Variants in XPO5 observed in about 807,000 individuals in gnomAD.
XPO5 encodes the protein exportin 5.
Under a neutral mutation model 160.6 loss-of-function variants are expected in XPO5, and 46 were observed. The observed-to-expected ratio is 0.29, with a 90% CI of 0.23 to 0.37. XPO5 has a LOEUF of 0.37. Ranked by LOEUF, XPO5 falls within the 10% of genes least tolerant of loss-of-function variation. The probability of loss-of-function intolerance (pLI) is 1.00; values close to 1 mark genes in which losing one functional copy is unlikely to be tolerated. For synonymous variants in XPO5, 537 were observed against 519.3 expected, an observed-to-expected ratio of 1.03 and a Z score of -0.46; for missense variants, 1,090 against 1,463.9, an observed-to-expected ratio of 0.74 and a Z score of 4.17.
At chr6:43,542,308 A>T (rs1480541718) in intron 20 of XPO5, among the ~76,000 whole-genome samples, 1 of 152,188 alleles carries the variant, frequency 6.6e-6, no homozygotes, top group East Asian at 1.9e-4. Flanking sequence ...CACAGCTTCA[A>T]CACCTTCTAT....
intron 20 of XPO5, chr6:43,538,725 AAAAT>A (rs1446546734): frequency 2.8e-5 from 14 of 493,240 alleles, no homozygotes; most frequent in Middle Eastern, 5.1e-4. Flanking sequence ...TTTTGGTATC[AAAAT>A]AAATAAGCCT....
intron 14 of XPO5, among the ~76,000 whole-genome samples, chr6:43,552,713 T>C (rs1795308685): frequency 6.6e-6 from 1 of 152,226 alleles, no homozygotes; most frequent in Non-Finnish European, 1.5e-5. Flanking sequence ...TCTATTTCTC[T>C]ATAATTTAGT....
intron 14 of XPO5, 130 bp from the exon 15 acceptor site, chr6:43,551,583 G>T: frequency 9.1e-7 from 1 of 1,095,590 alleles, no homozygotes; most frequent in Non-Finnish European, 1.3e-6. Flanking sequence ...AGTGCACAGT[G>T]GCACAATCAT....
At chr6:43,533,377 C>CG (rs1554133263) in intron 21 of XPO5, 3 of 152,202 alleles carry the variant, frequency 2.0e-5, no homozygotes, top group Non-Finnish European at 2.9e-5. Context: ...AAGGGGTTAA[C>CG]GGGGAAAAAA....
At chr6:43,533,432 A>G (rs1239121728) in intron 21 of XPO5, 1 of 153,126 alleles carries the variant, frequency 6.5e-6, no homozygotes, top group Non-Finnish European at 1.5e-5. Flanking sequence ...ATAATGAAGT[A>G]AATACACTTG....
Position 43,549,688 on chromosome 6 carries a change from C to G in XPO5, c.1771-110G>C. 6 of 1,349,832 alleles carry G rather than the reference C, an allele frequency of 4.4e-6. No individual in the cohort carries two copies. The Admixed American group carries it at 1.3e-4, about 29-fold the overall frequency. 83.6% of individuals were successfully genotyped at this position (1,349,832 alleles called of 1,614,324 possible). ...GGGGCAAATTCACAATGATTTTTCA[C>G]AACCCTAAGAGTATAATGGAGTAAC... On this transcript the variant is annotated intron_variant, in intron 16 of 31. Transcript: ENST00000265351.
At position 43,535,058 on chromosome 6, in the gene XPO5, T is replaced by C. The variant is rs1219632297; in HGVS notation, c.2343-1051A>G. On this transcript the variant is annotated intron_variant, in intron 20 of 31. Transcript: ENST00000265351. ...CTGTAATCCCAGCACTTTGGGAGGCTGAGGTGGGTGGATCACGAGGTCATG... is the reference window on the plus strand; with the variant it reads ...CTGTAATCCCAGCACTTTGGGAGGCCGAGGTGGGTGGATCACGAGGTCATG... 2.7e-5 allele frequency among the ~76,000 whole-genome samples: 4 copies of C among 147,372 alleles called. No individual in the cohort carries two copies. In the Admixed American group the frequency reaches 2.7e-4, roughly 10 times the overall value.
intron 27 of XPO5, 103 bp downstream of exon 27, chr6:43,526,582 G>T: frequency 1.6e-6 from 2 of 1,276,694 alleles, no homozygotes; most frequent in East Asian, 2.5e-5. Context: ...CTACATGTAG[G>T]GTGTCTTCTC....
intron 10 of XPO5, among the ~76,000 whole-genome samples, 176 bp from the exon 11 acceptor site, chr6:43,560,479 G>A (rs1316591645): frequency 6.6e-6 from 1 of 152,162 alleles, no homozygotes; most frequent in East Asian, 1.9e-4. Context: ...ATGTTAGTAA[G>A]ACAGGCTGTG....
chr6:43,540,162 G>C (rs1023553816), intron 20 of XPO5, among the ~76,000 whole-genome samples: 2 of 152,298 alleles, frequency 1.3e-5, no homozygotes, highest in Admixed American at 6.5e-5. Context: ...GGCCAAGGAG[G>C]GGGGATCACC....
At chr6:43,552,527 G>GT (rs1795282893) in intron 14 of XPO5, among the ~76,000 whole-genome samples, 1 of 151,914 alleles carries the variant, frequency 6.6e-6, no homozygotes, top group Non-Finnish European at 1.5e-5. Context: ...TAATTTTTGT[G>GT]TTTTTAGTAG....
chr6:43,570,763 C>A, intron 4 of XPO5, 79 bp from the exon 5 acceptor site: 1 of 1,514,292 alleles, frequency 6.6e-7, no homozygotes, highest in Non-Finnish European at 8.8e-7. Flanking sequence ...TTTTCTGTTG[C>A]CAAAAAAAAA....
At chr6:43,543,990 A>G (rs1477367130) in intron 20 of XPO5, among the ~76,000 whole-genome samples, 1 of 152,170 alleles carries the variant, frequency 6.6e-6, no homozygotes, top group Non-Finnish European at 1.5e-5. Flanking sequence ...AAAATTTACT[A>G]AAAAAGCAAA....
intron 7 of XPO5, among the ~76,000 whole-genome samples, chr6:43,566,811 T>C (rs1443783732): frequency 9.8e-6 from 1 of 101,670 alleles, no homozygotes; most frequent in African/African-American, 3.7e-5. Context: ...CTGTTTCAAT[T>C]AAAAAAAAAA....
intron 19 of XPO5, among the ~76,000 whole-genome samples, chr6:43,547,019 A>G (rs1056244059): frequency 6.6e-5 from 10 of 152,096 alleles, no homozygotes; most frequent in African/African-American, 2.2e-4. Context: ...TGACCCACCC[A>G]CAGGACCCTG....
Position 43,546,705 on chromosome 6 carries a change from GC to G in XPO5, c.2207del (p.Cys736SerfsTer6), listed in dbSNP as rs769739813. 6.2e-7 allele frequency: 1 copy of G among 1,611,948 alleles called. No individual in the cohort carries two copies. Among genetic ancestry groups the G allele is most frequent in the Non-Finnish European group, 8.5e-7 (1 of 1,179,214 alleles). ...YSILGVVKRT[C>X]WPTDLEEAKA... ...TGGCCTCTTCTAGGTCAGTGGGCCAGCAAGTTCGTTTCACCACACCCAGAAT... is the reference window on the plus strand; with the variant it reads ...TGGCCTCTTCTAGGTCAGTGGGCCAGAAGTTCGTTTCACCACACCCAGAAT... On this transcript the variant is annotated frameshift_variant, in exon 20 of 32. Transcript: ENST00000265351. LOFTEE classifies it high-confidence loss of function.
Position 43,546,649 on chromosome 6 carries a change from G to T in XPO5, c.2264C>A (p.Ser755Tyr), listed in dbSNP as rs1794976617. 3 of 1,613,736 alleles carry T rather than the reference G, an allele frequency of 1.9e-6. No homozygotes were observed. The highest frequency in any genetic ancestry group is 2.5e-6 in the Non-Finnish European group (3 of 1,179,862). Reference sequence around the variant, plus strand: ...GTTACGGAAGATTGGATTTCCACTGGATGTATAACCCACCACAAATCCCCC... The same window carrying T: ...GTTACGGAAGATTGGATTTCCACTGTATGTATAACCCACCACAAATCCCCC... ...KAGGFVVGYT[S>Y]SGNPIFRNPC... Residue 755 changes from serine to tyrosine, a missense_variant, in exon 20 of 32, where the codon TCC becomes TAC. Ser to Tyr is a moderately radical substitution (Grantham distance 144). This residue lies in a region of XPO5 where 810 missense variants were observed against 1,139.0 expected (regional missense o/e 0.71). Transcript: ENST00000265351.
In XPO5 at chr6:43,538,170, A is replaced by G. The variant is rs530079149; in HGVS notation, c.2343-4163T>C. Among the ~76,000 whole-genome samples the G allele has an allele frequency of 5.2e-3, 559 of 107,132 alleles. 8 individuals are homozygous for G. Among genetic ancestry groups the G allele is most frequent in the Middle Eastern group, 9.3e-3 (2 of 214 alleles). The allele number at this position is 107,132 out of a possible 152,430, so 70.3% of individuals were successfully genotyped here. On this transcript the variant is annotated intron_variant, in intron 20 of 31. Coordinates refer to ENST00000265351, the MANE Select transcript of XPO5 (RefSeq NM_020750.3). ...TTTTTTTTTTTTTTTTTTTTTTTGA[A>G]ACAGAGATTTGCTCTGTCGCTCAGG...
At position 43,524,371 on chromosome 6, in the gene XPO5, AT is replaced by A. The variant is rs1300075971; in HGVS notation, c.3477+99del. ...CCATCTCAAAAAAAAAAAAAAAAAA[AT>A]CTCACCATAATGGTCAATAACTACA... On this transcript the variant is annotated intron_variant, in intron 31 of 31. Coordinates refer to ENST00000265351, the MANE Select transcript of XPO5 (RefSeq NM_020750.3). 1.7e-4 allele frequency: 230 copies of A among 1,385,266 alleles called. 1 individual carries two copies. The African/African-American group carries it at 3.0e-3, about 18-fold the overall frequency. 85.8% of individuals were successfully genotyped at this position (1,385,266 alleles called of 1,614,324 possible).
Sources: allele counts gnomAD v4.1 joint callset (sites outside exome capture counted in the v4.1 genomes callset), GRCh38; gene constraint gnomAD v4.1.1; regional missense constraint gnomAD v4.1.1; transcripts MANE v1.5; gene names NCBI Gene and HGNC (gene_info 2026-07-23, HGNC 2026-07-21).